DLGAP1: variants seen among roughly 807,000 people sequenced by gnomAD.
The protein encoded by DLGAP1 is DLG associated protein 1.
A neutral mutation model predicts 90.8 loss-of-function variants in DLGAP1; 11 were observed. That is an observed-to-expected ratio of 0.12 (90% CI 0.08 to 0.20). The LOEUF (loss-of-function observed/expected upper bound fraction) is 0.20. DLGAP1 is among the 10% of genes least tolerant of loss of function. DLGAP1 has a pLI of 1.00. For missense variants in DLGAP1, 1,050 were observed against 1,333.8 expected (o/e 0.79, Z 3.31); for synonymous variants, 558 against 540.7 (o/e 1.03, Z -0.44).
At chr18:4,179,349 T>C (rs4798194) in intron 1 of DLGAP1, among the ~76,000 whole-genome samples, 62,009 of 151,888 alleles carry the variant, frequency 0.41, 13,188 homozygotes, top group East Asian at 0.69. Flanking sequence ...GCCCTAATGA[T>C]GCTCATAGGC....
chr18:3,597,504 T>C lies in DLGAP1; in HGVS notation c.1592-15256A>G, dbSNP rs1177933011. On this transcript the variant is annotated intron_variant, in intron 7 of 12. Coordinates refer to ENST00000315677, the MANE Select transcript of DLGAP1 (RefSeq NM_004746.4). ...TGAGTGGCCTGTGTATGAACCAGGG[T>C]CCGTCCCATCTAATGAGAGTCCGGT... 9.0e-6 allele frequency: 3 copies of C among 335,134 alleles called. No individual in the cohort carries two copies. In the East Asian group the frequency reaches 2.7e-4, roughly 30 times the overall value. 20.8% of individuals were successfully genotyped at this position (335,134 alleles called of 1,614,324 possible).
At chr18:4,105,114 G>A (rs2075838092) in intron 2 of DLGAP1, among the ~76,000 whole-genome samples, 1 of 152,296 alleles carries the variant, frequency 6.6e-6, no homozygotes, top group Admixed American at 6.5e-5. Context: ...GCCCTGAGAG[G>A]AGTGGAGAGA....
At chr18:3,904,552 T>C (rs888538374) in intron 3 of DLGAP1, among the ~76,000 whole-genome samples, 1 of 152,204 alleles carries the variant, frequency 6.6e-6, no homozygotes, top group Non-Finnish European at 1.5e-5. Flanking sequence ...ACAGCATTGA[T>C]CATCGGCATT....
In DLGAP1 at chr18:3,534,583, G is replaced by A. The variant is rs559985144; in HGVS notation, c.2090C>T (p.Thr697Met). The A allele has an allele frequency of 3.7e-6, 6 of 1,605,256 alleles. No individual in the cohort carries two copies. The highest frequency in any genetic ancestry group is 1.7e-5 in the Admixed American group (1 of 59,020). ...FRRFTRSNSV[T>M]TAVQADLDFH... ...GTCCAGGTCGGCCTGTACTGCTGTC[G>A]TCACACTGTTGGATCGAGTGAACCT... is the stretch of plus-strand genomic sequence containing the variant. Residue 697 changes from threonine to methionine, a missense_variant, in exon 10 of 13, where the codon ACG (threonine) becomes ATG (methionine). This residue lies in a region of DLGAP1 where 565 missense variants were observed against 879.7 expected (regional missense o/e 0.64). Transcript: ENST00000315677.
intron 7 of DLGAP1, among the ~76,000 whole-genome samples, chr18:3,651,702 G>A (rs1416975189): frequency 1.3e-5 from 2 of 152,190 alleles, no homozygotes; most frequent in Non-Finnish European, 2.9e-5. Flanking sequence ...GCCGAGTGCA[G>A]TGGCTCACGC....
At chr18:4,410,093 G>A (rs1437666010) in intron 1 of DLGAP1, among the ~76,000 whole-genome samples, 1 of 152,174 alleles carries the variant, frequency 6.6e-6, no homozygotes, top group Non-Finnish European at 1.5e-5. Context: ...ACTGATATGT[G>A]GGAGGTATGC....
intron 1 of DLGAP1, among the ~76,000 whole-genome samples, chr18:4,204,727 T>G (rs1184947485): frequency 6.6e-6 from 1 of 152,134 alleles, no homozygotes; most frequent in Non-Finnish European, 1.5e-5. Context: ...GTAGATGAAG[T>G]AAGAGGTAAA....
At chr18:3,930,095 A>G (rs915300366) in intron 3 of DLGAP1, among the ~76,000 whole-genome samples, 1 of 152,220 alleles carries the variant, frequency 6.6e-6, no homozygotes, top group African/African-American at 2.4e-5. Flanking sequence ...TGCCAATTCA[A>G]TGTGTGGGGA....
At chr18:3,645,129 C>T (rs1028120021) in intron 7 of DLGAP1, among the ~76,000 whole-genome samples, 1 of 151,948 alleles carries the variant, frequency 6.6e-6, no homozygotes, top group African/African-American at 2.4e-5. Flanking sequence ...GACAGGGTCT[C>T]ACTCTATAGC....
chr18:4,427,862 A>T (rs280992), intron 1 of DLGAP1, among the ~76,000 whole-genome samples: 86,306 of 151,988 alleles, frequency 0.57, 24,599 homozygotes, highest in Middle Eastern at 0.66. Flanking sequence ...TTATGGGAAA[A>T]ATAATGCTTA....
chr18:4,174,282 T>A (rs1371630455), intron 1 of DLGAP1, among the ~76,000 whole-genome samples: 3 of 152,178 alleles, frequency 2.0e-5, no homozygotes, highest in Non-Finnish European at 4.4e-5. Context: ...ACACCTGCCC[T>A]GAGCTGCCTG....
chr18:4,265,405 G>C (rs1190155168), intron 1 of DLGAP1, among the ~76,000 whole-genome samples: 1 of 151,220 alleles, frequency 6.6e-6, no homozygotes, highest in Non-Finnish European at 1.5e-5. Context: ...TCCTGACCTT[G>C]TGATCCTCCT....
At chr18:4,238,805 A>C (rs1276380484) in intron 1 of DLGAP1, among the ~76,000 whole-genome samples, 1 of 152,228 alleles carries the variant, frequency 6.6e-6, no homozygotes, top group Non-Finnish European at 1.5e-5. Flanking sequence ...GATCTCTCCA[A>C]GAGTAATCTG....
At chr18:3,990,086 G>A (rs969157315) in intron 3 of DLGAP1, among the ~76,000 whole-genome samples, 2 of 152,056 alleles carry the variant, frequency 1.3e-5, no homozygotes, top group African/African-American at 4.8e-5. Flanking sequence ...GATTCCTCAG[G>A]GATCTAGAAC....
chr18:4,063,201 T>C (rs1039851747), intron 2 of DLGAP1, among the ~76,000 whole-genome samples: 1 of 152,054 alleles, frequency 6.6e-6, no homozygotes, highest in Non-Finnish European at 1.5e-5. Context: ...GGCTAGCATA[T>C]ATAATACAGT....
intron 4 of DLGAP1, among the ~76,000 whole-genome samples, chr18:3,840,566 T>C (rs906053106): frequency 1.1e-4 from 16 of 152,220 alleles, no homozygotes; most frequent in African/African-American, 3.9e-4. Flanking sequence ...CTTAAGATCC[T>C]TAATGTAATC....
chr18:4,030,914 C>A (rs760408836), intron 2 of DLGAP1, among the ~76,000 whole-genome samples: 4 of 152,168 alleles, frequency 2.6e-5, no homozygotes, highest in Non-Finnish European at 4.4e-5. Flanking sequence ...CAGAGTAAGA[C>A]ACAGTCTCAA....
chr18:4,312,405 G>T (rs2080422798), intron 1 of DLGAP1, among the ~76,000 whole-genome samples: 1 of 152,096 alleles, frequency 6.6e-6, no homozygotes, highest in Non-Finnish European at 1.5e-5. Context: ...AATTTATGAT[G>T]GTTCCACTTA....
At chr18:3,803,697 A>G (rs1469665219) in intron 5 of DLGAP1, among the ~76,000 whole-genome samples, 1 of 151,820 alleles carries the variant, frequency 6.6e-6, no homozygotes, top group Non-Finnish European at 1.5e-5. Flanking sequence ...TTGGAGAGAA[A>G]GTAGAGGGCT....
Sources: gnomAD v4.1 joint callset for allele counts (sites outside exome capture counted in the v4.1 genomes callset) on GRCh38, gnomAD v4.1.1 for gene constraint, gnomAD v4.1.1 regional missense constraint, MANE v1.5 for transcripts, NCBI Gene and HGNC (gene_info 2026-07-23, HGNC 2026-07-21) for gene names.